The following ABHD6 variants were observed in gnomAD, a reference collection of about 807,000 sequenced individuals.
ABHD6 encodes monoacylglycerol lipase ABHD6.
Under a neutral mutation model 38.8 loss-of-function variants are expected in ABHD6, and 33 were observed. The observed-to-expected ratio is 0.85, with a 90% CI of 0.64 to 1.14. The LOEUF is 1.14. Ranked by LOEUF, ABHD6 falls within the 50% of genes most tolerant of loss-of-function variation. The pLI, the probability that ABHD6 is intolerant of heterozygous loss-of-function variation, is 0.00. For synonymous variants in ABHD6, 147 were observed against 161.6 expected (o/e 0.91, Z 0.69); for missense variants, 380 against 422.6 (o/e 0.90, Z 0.88).
At chr3:58,279,835 T>C (rs1044864990) in intron 7 of ABHD6, among the ~76,000 whole-genome samples, 1 of 152,228 alleles carries the variant, frequency 6.6e-6, no homozygotes, top group Non-Finnish European at 1.5e-5. Context: ...ATTTTATTTC[T>C]CCCTCACTTA....
rs1042427888 is a variant in ABHD6, at chr3:58,263,186, C to T, written c.120-4003C>T. 5.9e-5 allele frequency among the ~76,000 whole-genome samples: 9 copies of T among 151,928 alleles called. No homozygotes were observed. In the South Asian group the frequency reaches 6.2e-4, roughly 11 times the overall value. ...TCATGCCACTGCATTCCAGCCTGGG[C>T]AACAGAGCAAGACTCCATCTAAAAA... On this transcript the variant is annotated intron_variant, in intron 3 of 9. Transcript: ENST00000478253. The surrounding 1 kb of genome is among the most constrained non-coding windows in gnomAD (Gnocchi z 4.9).
chr3:58,254,030 A>T (rs956406435), intron 2 of ABHD6, among the ~76,000 whole-genome samples: 3 of 152,244 alleles, frequency 2.0e-5, no homozygotes, highest in African/African-American at 4.8e-5. Context: ...GGGATGTTGA[A>T]TGTAGATACC....
intron 1 of ABHD6, among the ~76,000 whole-genome samples, chr3:58,241,423 A>G (rs1246843681): frequency 6.6e-6 from 1 of 152,170 alleles, no homozygotes; most frequent in African/African-American, 2.4e-5. Flanking sequence ...GTGCTGTACC[A>G]AGGAAACTGC....
rs543235459 is a variant in ABHD6 at position 58,293,335 on chromosome 3, C to T, written c.838-254C>T. Reference sequence around the variant, plus strand: ...CCATAACCTCCTCAAGGGCAAGGAACGTTTGTTTTCTACCTCAGTATTGCT... The same window carrying T: ...CCATAACCTCCTCAAGGGCAAGGAATGTTTGTTTTCTACCTCAGTATTGCT... On this transcript the variant is annotated intron_variant, in intron 9 of 9. Transcript: ENST00000478253. The surrounding 1 kb of genome is among the most constrained non-coding windows in gnomAD (Gnocchi z 4.4). Among the ~76,000 whole-genome samples the T allele has an allele frequency of 9.2e-5, 14 of 152,292 alleles. No individual in the cohort carries two copies. Among genetic ancestry groups the T allele is most frequent in the African/African-American group, 2.4e-4 (10 of 41,558 alleles).
chr3:58,242,969 G>A (rs753322433), intron 1 of ABHD6, among the ~76,000 whole-genome samples: 1 of 152,122 alleles, frequency 6.6e-6, no homozygotes, highest in Admixed American at 6.5e-5. Context: ...AGACTGTGCG[G>A]TGTTTGGTTT....
rs2097455983 is a variant in ABHD6 at position 58,285,121 on chromosome 3, A to G, written c.718A>G (p.Asn240Asp). 6.2e-7 allele frequency: 1 copy of G among 1,614,160 alleles called. No homozygotes were observed. Among genetic ancestry groups the G allele is most frequent in the East Asian group, 2.2e-5 (1 of 44,890 alleles). Residue 240 changes from asparagine to aspartate, a missense_variant, in exon 8 of 10, where the codon AAC (asparagine) becomes GAC (aspartate). Asn to Asp is a conservative substitution (Grantham distance 23). Coordinates refer to ENST00000478253, the MANE Select transcript of ABHD6 (RefSeq NM_001320126.2). This position sits in a 1 kb window ranked among gnomAD's most constrained non-coding sequence, Gnocchi z 4.9. The part of the protein sequence containing the change: ...QGLVDVRIPH[N>D]NFYRKLFLEI... ...CCTTGTCGATGTCCGCATCCCTCAT[A>G]ACAACTTCTACCGAAAGTGTAAGTA...
At chr3:58,289,912 G>A (rs1314322448) in intron 9 of ABHD6, among the ~76,000 whole-genome samples, 14 of 143,218 alleles carry the variant, frequency 9.8e-5, no homozygotes, top group East Asian at 2.1e-4. Context: ...CCGGGCAGAG[G>A]GGCTCCTCAC....
chr3:58,288,104 T>A (rs1157055297), intron 9 of ABHD6, among the ~76,000 whole-genome samples: 1 of 152,180 alleles, frequency 6.6e-6, no homozygotes, highest in African/African-American at 2.4e-5. Context: ...AGATCCTTCA[T>A]GTGTTTTGTG....
In ABHD6 at chr3:58,269,497, C is replaced by T. The variant is rs1179104507; in HGVS notation, c.390+63C>T. The T allele has an allele frequency of 5.1e-5, 67 of 1,316,074 alleles. No homozygotes were observed. The highest frequency in any genetic ancestry group is 6.1e-5 in the Non-Finnish European group (56 of 921,710). 81.5% of individuals were successfully genotyped at this position (1,316,074 alleles called of 1,614,324 possible). ...CTCAGCCACCATTACATGTCTGAGT[C>T]TGGAGAGCAGGGAAGGGAGTCCTGT... On this transcript the variant is annotated intron_variant, in intron 5 of 9. Transcript: ENST00000478253. This position sits in a 1 kb window ranked among gnomAD's most constrained non-coding sequence, Gnocchi z 4.4.
chr3:58,274,572 G>A, intron 6 of ABHD6, 86 bp from the exon 7 acceptor site: 1 of 1,378,482 alleles, frequency 7.3e-7, no homozygotes, highest in Non-Finnish European at 9.9e-7. Flanking sequence ...TATTAACTCT[G>A]GGCTGCTGTC....
rs751630679 is a variant in ABHD6 at position 58,274,839 on chromosome 3, C to A, written c.681+24C>A. ...AGGTAACGTGGTTGCAGCAGCGACA[C>A]AACTACCCTCCCCAGAGGCCCGGGG... is the stretch of plus-strand genomic sequence containing the variant. On this transcript the variant is annotated intron_variant, in intron 7 of 9. Transcript: ENST00000478253. The A allele has an allele frequency of 3.0e-5, 49 of 1,609,312 alleles. No individual in the cohort carries two copies. In the Admixed American group the frequency reaches 7.6e-4, roughly 25 times the overall value.
At position 58,286,848 on chromosome 3, in the gene ABHD6, G is replaced by GTATATATATATATATATA. The variant is rs60071781; in HGVS notation, c.837+1396_837+1397insATATATATATATATATAT. 7.2e-3 allele frequency among the ~76,000 whole-genome samples: 504 copies of GTATATATATATATATATA among 69,742 alleles called. 4 individuals carry two copies. The highest frequency in any genetic ancestry group is 0.011 in the African/African-American group (194 of 17,758). 45.8% of individuals were successfully genotyped at this position (69,742 alleles called of 152,430 possible). A position where few individuals can be genotyped will look rare whatever the true frequency, so the allele number is the denominator to read the frequency against. On this transcript the variant is annotated intron_variant, in intron 9 of 9. Coordinates refer to ENST00000478253, the MANE Select transcript of ABHD6 (RefSeq NM_001320126.2). The stretch of plus-strand genomic sequence containing the variant: ...TGTGTGTGTGTGTGTGTGTGTGTGT[G>GTATATATATATATATATA]TGTGTATATATATATATATATGTAT...
chr3:58,290,188 C>A (rs2097461013), intron 9 of ABHD6, among the ~76,000 whole-genome samples: 1 of 107,372 alleles, frequency 9.3e-6, no homozygotes, highest in Non-Finnish European at 1.9e-5. Flanking sequence ...CACCTCCCTC[C>A]CGGACGGGGC....
In ABHD6 at chr3:58,293,009, A is replaced by G. The variant is rs2097464338; in HGVS notation, c.838-580A>G. Among the ~76,000 whole-genome samples the G allele has an allele frequency of 6.6e-6, 1 of 152,170 alleles. No individual in the cohort carries two copies. Among genetic ancestry groups the G allele is most frequent in the Non-Finnish European group, 1.5e-5 (1 of 68,026 alleles). On this transcript the variant is annotated intron_variant, in intron 9 of 9. Transcript: ENST00000478253. The surrounding 1 kb of genome is among the most constrained non-coding windows in gnomAD (Gnocchi z 4.4). ...GGCTGCCCTAACCAGCCACAGGGCCAGCCTGATCAAGTCACTCACCTTAAC... is the reference window on the plus strand; with the variant it reads ...GGCTGCCCTAACCAGCCACAGGGCCGGCCTGATCAAGTCACTCACCTTAAC...
chr3:58,253,102 G>A (rs979911683), intron 2 of ABHD6, among the ~76,000 whole-genome samples: 1 of 152,098 alleles, frequency 6.6e-6, no homozygotes, highest in Non-Finnish European at 1.5e-5. Flanking sequence ...ATAGAAGATG[G>A]AGGCAGATGC....
At chr3:58,286,389 C>T (rs1363011383) in intron 9 of ABHD6, among the ~76,000 whole-genome samples, 2 of 152,142 alleles carry the variant, frequency 1.3e-5, no homozygotes, top group East Asian at 3.9e-4. Context: ...CTCCTGACTT[C>T]AAGCAGTCCA....
chr3:58,282,210 G>A (rs1443457291), intron 7 of ABHD6, among the ~76,000 whole-genome samples: 1 of 152,072 alleles, frequency 6.6e-6, no homozygotes, highest in Non-Finnish European at 1.5e-5. Flanking sequence ...TATAGGTACG[G>A]AAAGGAGCCA....
chr3:58,284,177 T>C (rs1046388529), intron 7 of ABHD6, among the ~76,000 whole-genome samples: 1 of 152,120 alleles, frequency 6.6e-6, no homozygotes, highest in Non-Finnish European at 1.5e-5. Flanking sequence ...CCTCTTTGGG[T>C]CAGTAGCCCA....
intron 7 of ABHD6, among the ~76,000 whole-genome samples, chr3:58,277,917 G>T (rs1174598322): frequency 6.6e-6 from 1 of 152,184 alleles, no homozygotes. Flanking sequence ...TACATTTATT[G>T]ATTTGTGTAT....
Sources: gnomAD v4.1 joint callset for allele counts (sites outside exome capture counted in the v4.1 genomes callset) on GRCh38, gnomAD v4.1.1 for gene constraint, Gnocchi (gnomAD v3.1) non-coding constraint, MANE v1.5 for transcripts, NCBI Gene and HGNC (gene_info 2026-07-23, HGNC 2026-07-21) for gene names.